Variants in PDE11A observed in about 807,000 individuals in gnomAD.
PDE11A encodes the protein phosphodiesterase 11A, also known as dual 3',5'-cyclic-AMP and -GMP phosphodiesterase 11A.
A neutral mutation model predicts 100.5 loss-of-function variants in PDE11A; 100 were observed. The ratio of observed to expected loss-of-function variants is 1.00; its 90% CI spans 0.85 to 1.18. The LOEUF (loss-of-function observed/expected upper bound fraction) is 1.18, where lower values mean the gene tolerates loss of function less well. PDE11A is among the 50% of genes most tolerant of loss of function. PDE11A has a pLI of 0.00. For missense variants in PDE11A, 1,141 were observed against 1,152.6 expected (o/e 0.99, Z 0.15); for synonymous variants, 381 against 420.8 (o/e 0.91, Z 1.16).
intron 2 of PDE11A, among the ~76,000 whole-genome samples, chr2:177,916,606 A>G (rs1290648828): frequency 1.3e-5 from 2 of 152,056 alleles, no homozygotes; most frequent in African/African-American, 2.4e-5. Flanking sequence ...CCTTCCTTCT[A>G]TCTGTGTCTT....
intron 5 of PDE11A, among the ~76,000 whole-genome samples, chr2:177,856,734 T>C (rs1044174882): frequency 3.3e-5 from 5 of 152,000 alleles, no homozygotes; most frequent in African/African-American, 1.2e-4. Flanking sequence ...ATAGGTCAAT[T>C]CAAACATCTA....
At chr2:177,988,821 G>A (rs2085969852) in intron 2 of PDE11A, among the ~76,000 whole-genome samples, 1 of 152,334 alleles carries the variant, frequency 6.6e-6, no homozygotes, top group Non-Finnish European at 1.5e-5. Context: ...CTGGTCATAT[G>A]ACAGGTATAC....
chr2:177,846,050 A>AGGGG, intron 5 of PDE11A, among the ~76,000 whole-genome samples: 1 of 151,608 alleles, frequency 6.6e-6, no homozygotes, highest in Non-Finnish European at 1.5e-5. Flanking sequence ...AGGGAGAGGG[A>AGGGG]GAGGGAGAGG....
chr2:177,946,082 C>T (rs2085421975), intron 2 of PDE11A, among the ~76,000 whole-genome samples: 2 of 130,252 alleles, frequency 1.5e-5, no homozygotes, highest in Non-Finnish European at 3.3e-5. Context: ...TGGCCAGCCG[C>T]CCCGTCCGGG....
intron 2 of PDE11A, among the ~76,000 whole-genome samples, chr2:177,907,560 A>G (rs545977487): frequency 2.0e-5 from 3 of 152,356 alleles, no homozygotes; most frequent in African/African-American, 7.2e-5. Context: ...AGGCTTTAAG[A>G]ACTTACCCAA....
At chr2:177,725,913 A>G (rs1057114241) in intron 12 of PDE11A, among the ~76,000 whole-genome samples, 23 of 152,116 alleles carry the variant, frequency 1.5e-4, no homozygotes, top group African/African-American at 5.6e-4. Context: ...CCTTCATTGA[A>G]CAGGGTTCCT....
In PDE11A at chr2:178,072,410, C is replaced by A. The variant is rs778584662; in HGVS notation, c.28G>T (p.Glu10Ter). ...TGCCTGTCCAGGAAAGTTTCCACCT[C>A]CCCAAAGTCCAGGCGGGAGGCTGCC... MAASRLDFG[E>*]VETFLDRHPE... The change falls in exon 1 of 20, where the codon GAG becomes TAG. Residue 10 changes from glutamate (E) to a stop codon, truncating the protein, a stop_gained. Coordinates refer to ENST00000286063, the MANE Select transcript of PDE11A (RefSeq NM_016953.4). LOFTEE classifies it high-confidence loss of function. 2 of 1,613,596 alleles carry A rather than the reference C, an allele frequency of 1.2e-6. No homozygotes were observed. The highest frequency in any genetic ancestry group is 4.5e-5 in the East Asian group (2 of 44,884).
intron 6 of PDE11A, among the ~76,000 whole-genome samples, chr2:177,828,515 A>T (rs2083261480): frequency 1.3e-5 from 2 of 152,322 alleles, no homozygotes; most frequent in African/African-American, 4.8e-5. Flanking sequence ...ATGTTAGAAG[A>T]TGTTAAGATG....
intron 2 of PDE11A, among the ~76,000 whole-genome samples, chr2:178,081,857 A>C (rs2087289197): frequency 6.6e-6 from 1 of 152,242 alleles, no homozygotes; most frequent in Non-Finnish European, 1.5e-5. Flanking sequence ...TCACAAAAGG[A>C]CACCAAGGTT....
At chr2:177,810,790 GA>G (rs1433637326) in intron 9 of PDE11A, among the ~76,000 whole-genome samples, 2 of 152,064 alleles carry the variant, frequency 1.3e-5, no homozygotes, top group Non-Finnish European at 2.9e-5. Context: ...TATGTTTTAG[GA>G]AGAACAAGTA....
At chr2:177,720,444 T>C (rs772241847) in intron 12 of PDE11A, among the ~76,000 whole-genome samples, 18 of 151,852 alleles carry the variant, frequency 1.2e-4, no homozygotes, top group Non-Finnish European at 2.4e-4. Context: ...GGGGAAAAAA[T>C]CCCTACTGAG....
chr2:178,107,293 A>G (rs1427901491), intron 1 of PDE11A, among the ~76,000 whole-genome samples: 1 of 151,964 alleles, frequency 6.6e-6, no homozygotes, highest in Non-Finnish European at 1.5e-5. Flanking sequence ...GGGATAGAAT[A>G]TCTTAAGAAG....
At chr2:177,876,916 T>A (rs1236997495) in intron 4 of PDE11A, among the ~76,000 whole-genome samples, 1 of 147,810 alleles carries the variant, frequency 6.8e-6, no homozygotes, top group Non-Finnish European at 1.5e-5. Context: ...GCATACAAAT[T>A]TACTAATGTG....
chr2:177,960,495 A>G (rs575936432), intron 2 of PDE11A, among the ~76,000 whole-genome samples: 2 of 152,208 alleles, frequency 1.3e-5, no homozygotes, highest in South Asian at 4.2e-4. Flanking sequence ...TTATAGCCAA[A>G]CTTGTATGTA....
chr2:177,652,878 T>C lies in PDE11A; in HGVS notation c.2646+10988A>G, dbSNP rs999620278. ...ATGCTCTGAATTCCCTTCTCTTTCATGCTTTTTGGTTTGCATCTATTCTTT... is the reference window on the plus strand; with the variant it reads ...ATGCTCTGAATTCCCTTCTCTTTCACGCTTTTTGGTTTGCATCTATTCTTT... On this transcript the variant is annotated intron_variant, in intron 19 of 19. Coordinates refer to ENST00000286063, the MANE Select transcript of PDE11A (RefSeq NM_016953.4). Among the ~76,000 whole-genome samples the C allele has an allele frequency of 2.0e-5, 3 of 152,248 alleles. No homozygotes were observed. In the South Asian group the frequency reaches 6.2e-4, roughly 31 times the overall value.
intron 14 of PDE11A, 75 bp from the exon 15 acceptor site, chr2:177,697,507 A>C: frequency 1.3e-6 from 1 of 794,432 alleles, no homozygotes; most frequent in Non-Finnish European, 2.2e-6. Flanking sequence ...CCTCTATTTA[A>C]AAAAAAGTCT....
At chr2:178,086,719 T>C (rs1369692275) in intron 2 of PDE11A, among the ~76,000 whole-genome samples, 1 of 152,170 alleles carries the variant, frequency 6.6e-6, no homozygotes, top group Non-Finnish European at 1.5e-5. Flanking sequence ...AAAAGTTAAA[T>C]GTGAGGAAGT....
intron 10 of PDE11A, among the ~76,000 whole-genome samples, chr2:177,765,741 C>G (rs1200951268): frequency 6.6e-6 from 1 of 152,172 alleles, no homozygotes; most frequent in Non-Finnish European, 1.5e-5. Context: ...GGGATAAATC[C>G]AAGGTACAAA....
chr2:177,939,856 G>A (rs1461225476), intron 2 of PDE11A, among the ~76,000 whole-genome samples: 4 of 152,006 alleles, frequency 2.6e-5, no homozygotes, highest in Non-Finnish European at 5.9e-5. Flanking sequence ...GAGAACAAAG[G>A]AATCTATACT....
Sources: gnomAD v4.1 joint callset for allele counts (sites outside exome capture counted in the v4.1 genomes callset) on GRCh38, gnomAD v4.1.1 for gene constraint, MANE v1.5 for transcripts, NCBI Gene and HGNC (gene_info 2026-07-23, HGNC 2026-07-21) for gene names.